CYP19A1: variants seen among roughly 807,000 people sequenced by gnomAD.
CYP19A1 encodes the protein aromatase.
In CYP19A1, 32 loss-of-function variants were observed where a neutral mutation model predicts 44.4. The observed-to-expected ratio is 0.72, with a 90% CI of 0.54 to 0.97. The LOEUF (loss-of-function observed/expected upper bound fraction) is 0.97. Among genes scored for constraint, CYP19A1 ranks in the 50% least tolerant of loss-of-function variants. The pLI is 0.00. For synonymous variants in CYP19A1, 212 were observed against 215.6 expected, an observed-to-expected ratio of 0.98 and a Z score of 0.14; for missense variants, 598 against 637.8, an observed-to-expected ratio of 0.94 and a Z score of 0.67.
intron 1 of CYP19A1, among the ~76,000 whole-genome samples, chr15:51,290,631 G>A (rs763314863): frequency 7.2e-5 from 11 of 151,974 alleles, no homozygotes; most frequent in Non-Finnish European, 1.6e-4. Context: ...AATCAATTAA[G>A]CAAGTGCTAG....
At chr15:51,223,593 T>TCTCTCACACACCCACA (rs1356666512) in intron 4 of CYP19A1, among the ~76,000 whole-genome samples, 1 of 90,146 alleles carries the variant, frequency 1.1e-5, no homozygotes, top group Non-Finnish European at 2.2e-5. Flanking sequence ...TCTCTCTCTC[T>TCTCTCACACACCCACA]CACACACACA....
intron 4 of CYP19A1, among the ~76,000 whole-genome samples, chr15:51,227,028 G>GC (rs1347306418): frequency 6.6e-6 from 1 of 152,038 alleles, no homozygotes; most frequent in Admixed American, 6.5e-5. Context: ...ACATTGTTTG[G>GC]CCGTGTTTAA....
rs535872547 is a variant in CYP19A1, at chr15:51,307,354, A to G, written c.-39+31141T>C. ...AATCTATTGATGTCACAAGGCTTCA[A>G]AGATTTTGGCTGAGACCTTGCTTCT... On this transcript the variant is annotated intron_variant, in intron 1 of 9. Transcript: ENST00000396402. Among the ~76,000 whole-genome samples, 18 of 152,340 alleles carry G rather than the reference A, an allele frequency of 1.2e-4. No homozygotes were observed. In the South Asian group the frequency reaches 3.5e-3, roughly 30 times the overall value.
At chr15:51,263,807 A>G (rs2034818031) in intron 1 of CYP19A1, among the ~76,000 whole-genome samples, 1 of 152,202 alleles carries the variant, frequency 6.6e-6, no homozygotes, top group African/African-American at 2.4e-5. Context: ...TGAGATTGTG[A>G]TTGTGAACAT....
At chr15:51,237,750 A>G (rs1048715422) in intron 2 of CYP19A1, among the ~76,000 whole-genome samples, 3 of 152,224 alleles carry the variant, frequency 2.0e-5, no homozygotes, top group Non-Finnish European at 2.9e-5. Flanking sequence ...GGATGGCAGA[A>G]TTGTAAAGAA....
chr15:51,283,416 AC>A (rs1237089160), intron 1 of CYP19A1, among the ~76,000 whole-genome samples: 1 of 152,130 alleles, frequency 6.6e-6, no homozygotes, highest in African/African-American at 2.4e-5. Flanking sequence ...GCCGAGGGAG[AC>A]CTTGAAGTAT....
intron 1 of CYP19A1, among the ~76,000 whole-genome samples, chr15:51,307,785 C>T (rs28522439): frequency 0.036 from 5,548 of 152,244 alleles, 263 homozygotes; most frequent in East Asian, 0.14. Flanking sequence ...GTTTCATTTT[C>T]CCCCACCCAA....
rs2141030277 is a variant in CYP19A1 at position 51,210,955 on chromosome 15, C to T, written c.1365G>A (p.Leu455=). 1 of 1,609,608 alleles carries T rather than the reference C, an allele frequency of 6.2e-7. No homozygotes were observed. Among genetic ancestry groups the T allele is most frequent in the Non-Finnish European group, 8.5e-7 (1 of 1,175,882 alleles). ...GCAATGTCTTCACGTGGAATCGTCT[C>T]AGAAGTGTAACGAGGATGGCTTTCA... ...VMMKAILVTL[L]RRFHVKTLQG... is the part of the protein sequence containing the mutation. Residue 455 remains leucine (L), a synonymous_variant, in exon 10 of 10, where the codon CTG becomes CTA. Transcript: ENST00000396402.
intron 1 of CYP19A1, among the ~76,000 whole-genome samples, chr15:51,301,738 T>G (rs1054300577): frequency 1.3e-5 from 2 of 152,238 alleles, no homozygotes; most frequent in African/African-American, 4.8e-5. Flanking sequence ...CTAGGGTTAC[T>G]GCTGGCTAAA....
chr15:51,272,641 A>T (rs111913245), intron 1 of CYP19A1, among the ~76,000 whole-genome samples: 300 of 152,362 alleles, frequency 2.0e-3, no homozygotes, highest in African/African-American at 7.1e-3. Flanking sequence ...TAGAACTGTC[A>T]TCAGAATTGC....
At chr15:51,302,260 T>C (rs768898968) in intron 1 of CYP19A1, among the ~76,000 whole-genome samples, 7 of 152,220 alleles carry the variant, frequency 4.6e-5, no homozygotes, top group Non-Finnish European at 8.8e-5. Flanking sequence ...CTGGGCATAT[T>C]CACTTTTTGG....
In CYP19A1 at chr15:51,331,518, G is replaced by T. The variant is rs2036700468; in HGVS notation, c.-39+6977C>A. Reference sequence around the variant, plus strand: ...ACCTGTAAATACTGACCCAGAAGGAGATAAGTATAGTTAGCATCTTTTTTT... The same window carrying T: ...ACCTGTAAATACTGACCCAGAAGGATATAAGTATAGTTAGCATCTTTTTTT... On this transcript the variant is annotated intron_variant, in intron 1 of 9. Transcript: ENST00000396402. 2.6e-5 allele frequency among the ~76,000 whole-genome samples: 4 copies of T among 152,298 alleles called. No individual in the cohort carries two copies. In the South Asian group the frequency reaches 8.3e-4, roughly 32 times the overall value.
At chr15:51,252,974 C>T (rs139752761) in intron 1 of CYP19A1, among the ~76,000 whole-genome samples, 77 of 152,230 alleles carry the variant, frequency 5.1e-4, no homozygotes, top group African/African-American at 1.8e-3. Context: ...AAGCATTACT[C>T]TGCAAGATAC....
At chr15:51,244,581 A>G (rs2033964829) in intron 1 of CYP19A1, among the ~76,000 whole-genome samples, 1 of 152,146 alleles carries the variant, frequency 6.6e-6, no homozygotes, top group South Asian at 2.1e-4. Flanking sequence ...AAATTTCTAG[A>G]GTGGAATTTG....
At chr15:51,227,566 A>G (rs1348647483) in intron 4 of CYP19A1, among the ~76,000 whole-genome samples, 1 of 151,910 alleles carries the variant, frequency 6.6e-6, no homozygotes, top group Non-Finnish European at 1.5e-5. Flanking sequence ...GCTACTCGCG[A>G]GGCTGAGGTG....
intron 3 of CYP19A1, among the ~76,000 whole-genome samples, chr15:51,228,336 CA>C (rs2032764090): frequency 6.6e-6 from 1 of 152,230 alleles, no homozygotes; most frequent in Non-Finnish European, 1.5e-5. Context: ...CCTCACTCCA[CA>C]AAGTGCCACC....
At chr15:51,308,921 G>A (rs769928032) in intron 1 of CYP19A1, among the ~76,000 whole-genome samples, 1 of 152,184 alleles carries the variant, frequency 6.6e-6, no homozygotes. Context: ...CTAAATGGCT[G>A]AACCCTGATT....
chr15:51,249,196 C>T (rs1226820931), intron 1 of CYP19A1, among the ~76,000 whole-genome samples: 1 of 152,164 alleles, frequency 6.6e-6, no homozygotes, highest in South Asian at 2.1e-4. Flanking sequence ...CTGCCATGGC[C>T]TCCCAAAGAG....
In CYP19A1 at chr15:51,282,025, T is replaced by C. The variant is rs147374116; in HGVS notation, c.-38-39075A>G. Reference sequence around the variant, plus strand: ...CCAAATAAAGAGAAATAAACCAAGCTTGCCCCTTGTTGGTTCCCTCTCTGA... The same window carrying C: ...CCAAATAAAGAGAAATAAACCAAGCCTGCCCCTTGTTGGTTCCCTCTCTGA... On this transcript the variant is annotated intron_variant, in intron 1 of 9. Transcript: ENST00000396402. 3.0e-3 allele frequency among the ~76,000 whole-genome samples: 460 copies of C among 152,298 alleles called. 2 individuals carry two copies. Among genetic ancestry groups the C allele is most frequent in the African/African-American group, 0.011 (448 of 41,566 alleles).
Sources: gnomAD v4.1 joint callset for allele counts (sites outside exome capture counted in the v4.1 genomes callset) on GRCh38, gnomAD v4.1.1 for gene constraint, MANE v1.5 for transcripts, NCBI Gene and HGNC (gene_info 2026-07-23, HGNC 2026-07-21) for gene names.